The following ZAN variants were observed in gnomAD, a reference collection of about 807,000 sequenced individuals.
The protein encoded by ZAN is zonadhesin (gene/pseudogene).
ZAN carries 260 observed loss-of-function variants against 286.2 expected under a neutral mutation model. The ratio of observed to expected loss-of-function variants is 0.91; its 90% confidence interval spans 0.82 to 1.01. The LOEUF is 1.01. Ranked by LOEUF, ZAN falls within the 50% of genes least tolerant of loss-of-function variation. ZAN has a pLI of 0.00. For synonymous variants in ZAN, 1,368 were observed against 1,417.5 expected, an observed-to-expected ratio of 0.97 and a Z score of 0.79; for missense variants, 3,410 against 3,639.2, an observed-to-expected ratio of 0.94 and a Z score of 1.62.
intron 7 of ZAN, among the ~76,000 whole-genome samples, chr7:100,746,003 C>A (rs1808191654): frequency 6.6e-6 from 1 of 150,412 alleles, no homozygotes; most frequent in South Asian, 2.1e-4. Flanking sequence ...GTGCGTGGAT[C>A]ATTTGAACCT....
chr7:100,768,551 C>T, intron 26 of ZAN, 59 bp from the exon 27 acceptor site: 1 of 1,435,522 alleles, frequency 7.0e-7, no homozygotes, highest in Non-Finnish European at 9.4e-7. Context: ...GATGGTGGCC[C>T]TGGGGCCTGG....
At chr7:100,758,692 G>A (rs1562931268) in intron 17 of ZAN, 42 bp downstream of exon 17, 5 of 1,544,640 alleles carry the variant, frequency 3.2e-6, no homozygotes, top group Non-Finnish European at 4.4e-6. Flanking sequence ...GGGAGGGTCT[G>A]TGGGCAGCGC....
At chr7:100,759,969 C>T (rs1390867445) in intron 18 of ZAN, 124 bp downstream of exon 18, 4 of 1,395,200 alleles carry the variant, frequency 2.9e-6, no homozygotes, top group Non-Finnish European at 3.8e-6. Flanking sequence ...ATCCCAGCTC[C>T]TTGGGAGGCT....
rs1167764612 is a variant in ZAN, at chr7:100,749,647, A to AT, written c.1250-978_1250-977insT. Reference sequence around the variant, plus strand: ...AGAGTGAGACTCCGTCTCAAAAAAAAAAAAATATATATATATATATATATA... The same window carrying AT: ...AGAGTGAGACTCCGTCTCAAAAAAAATAAAAATATATATATATATATATATA... On this transcript the variant is annotated intron_variant, in intron 11 of 47. Transcript: ENST00000613979. Among the ~76,000 whole-genome samples the AT allele has an allele frequency of 1.2e-4, 15 of 124,722 alleles. No homozygotes were observed. In the East Asian group the frequency reaches 1.6e-3, roughly 13 times the overall value. The allele number at this position is 124,722 out of a possible 152,430, so 81.8% of individuals were successfully genotyped here.
intron 4 of ZAN, 63 bp downstream of exon 4, chr7:100,736,692 A>G: frequency 6.7e-7 from 1 of 1,497,140 alleles, no homozygotes; most frequent in Non-Finnish European, 9.1e-7. Context: ...GGGAGTGGCT[A>G]GATGGAGAGA....
chr7:100,776,873 C>T (rs1341126945), intron 34 of ZAN, among the ~76,000 whole-genome samples: 1 of 147,390 alleles, frequency 6.8e-6, no homozygotes, highest in African/African-American at 2.5e-5. Context: ...GCTGGGACTA[C>T]AGGCGCCCGC....
rs73411178 is a variant in ZAN at position 100,792,543 on chromosome 7, C to T, written c.7787+64C>T. The T allele has an allele frequency of 1.1e-3, 1,824 of 1,603,928 alleles. 11 individuals are homozygous for T. The African/African-American group carries it at 0.016, about 14-fold the overall frequency. ...CTGGCTGGCGGGACCGCACCCTCTG[C>T]GGTGAGGTGTTGCCCCTCCCTGTGC... On this transcript the variant is annotated intron_variant, in intron 42 of 47. Transcript: ENST00000613979.
At chr7:100,750,010 C>CCCAAT (rs1808533480) in intron 11 of ZAN, among the ~76,000 whole-genome samples, 1 of 146,530 alleles carries the variant, frequency 6.8e-6, no homozygotes, top group Admixed American at 6.8e-5. Flanking sequence ...GAGATCGTGT[C>CCCAAT]ACTGCACTCC....
intron 39 of ZAN, among the ~76,000 whole-genome samples, chr7:100,789,945 C>CA (rs999768930): frequency 1.9e-4 from 28 of 151,132 alleles, no homozygotes; most frequent in African/African-American, 3.4e-4. Flanking sequence ...AACTCCATCT[C>CA]AAAAAAAATT....
At chr7:100,756,407 C>T (rs191843869) in intron 15 of ZAN, among the ~76,000 whole-genome samples, 5 of 149,560 alleles carry the variant, frequency 3.3e-5, no homozygotes, top group Admixed American at 6.7e-5. Flanking sequence ...CCAGCCTGGG[C>T]GACAGAGTGA....
rs1810033427 is a variant in ZAN, at chr7:100,767,108, C to A, written c.4711C>A (p.Pro1571Thr). The A allele has an allele frequency of 1.9e-6, 3 of 1,613,836 alleles. No homozygotes were observed. Among genetic ancestry groups the A allele is most frequent in the East Asian group, 2.2e-5 (1 of 44,894 alleles). Residue 1571 changes from proline to threonine, a missense_variant, in exon 25 of 48, where the codon CCT (proline) becomes ACT (threonine). Coordinates refer to ENST00000613979, the MANE Select transcript of ZAN (RefSeq NM_003386.3). Reference sequence around the variant, plus strand: ...CACCTGCACCTATGTCCTGACCCGGCCTTGCTGGTCCAGGTCCCAAGACAG... The same window carrying A: ...CACCTGCACCTATGTCCTGACCCGGACTTGCTGGTCCAGGTCCCAAGACAG... ...MGTCTYVLTR[P>T]CWSRSQDSYF...
At position 100,734,069 on chromosome 7, in the gene ZAN, GA is replaced by G; in HGVS notation, c.-98del. Reference sequence around the variant, plus strand: ...CTGTTCATTCTTCATGGCATCCTTGGAAGGATGCCAAGCTAAGGAGGCCAGG... The same window carrying G: ...CTGTTCATTCTTCATGGCATCCTTGGAGGATGCCAAGCTAAGGAGGCCAGG... On this transcript the variant is annotated 5_prime_UTR_variant, in exon 2 of 48. It removes the in-frame stop codon of an upstream open reading frame in the 5' UTR. Coordinates refer to ENST00000613979, the MANE Select transcript of ZAN (RefSeq NM_003386.3). 1 of 733,246 alleles carries G rather than the reference GA, an allele frequency of 1.4e-6. No individual in the cohort carries two copies. Among genetic ancestry groups the G allele is most frequent in the Non-Finnish European group, 2.3e-6 (1 of 435,224 alleles). 45.4% of individuals were successfully genotyped at this position (733,246 alleles called of 1,614,324 possible).
rs1221009736 is a variant in ZAN, at chr7:100,735,926, C to T, written c.106+154C>T. On this transcript the variant is annotated intron_variant, in intron 3 of 47. Transcript: ENST00000613979. ...GACTACAAAATGTGTCCTGCCAGGC[C>T]AAGTCCAGCCCTCCAACCTCAGTTC... is the stretch of plus-strand genomic sequence containing the variant. Among the ~76,000 whole-genome samples, 2 of 141,344 alleles carry T rather than the reference C, an allele frequency of 1.4e-5. 1 individual carries two copies. The highest frequency in any genetic ancestry group is 3.2e-5 in the Non-Finnish European group (2 of 62,998). 92.7% of individuals were successfully genotyped at this position (141,344 alleles called of 152,430 possible).
At position 100,750,880 on chromosome 7, in the gene ZAN, A is replaced by C; in HGVS notation, c.1505A>C (p.His502Pro). 6.4e-7 allele frequency: 1 copy of C among 1,553,252 alleles called. No homozygotes were observed. The highest frequency in any genetic ancestry group is 8.7e-7 in the Non-Finnish European group (1 of 1,147,678). The change falls in exon 12 of 48, where the codon CAC becomes CCC. Residue 502 changes from histidine (H) to proline (P), a missense_variant. His to Pro is a moderately conservative substitution (Grantham distance 77, BLOSUM62 -2). Transcript: ENST00000613979. Reference protein sequence around the residue: ...QNTSVTVPSGHQQPMQLIFKG... With the variant: ...QNTSVTVPSGPQQPMQLIFKG... The stretch of plus-strand genomic sequence containing the variant: ...ACCTCCGTCACCGTCCCCTCAGGAC[A>C]CCAACAGCCCATGCAGGTGAGAGAC...
In ZAN at chr7:100,792,167, A is replaced by C. The variant is rs555718523; in HGVS notation, c.7712+19A>C. On this transcript the variant is annotated intron_variant, in intron 41 of 47. Coordinates refer to ENST00000613979, the MANE Select transcript of ZAN (RefSeq NM_003386.3). ...TCCAAGAGTGAGTCATGGGCCCAGG[A>C]CTTGTGGGAATGGCCCAGGTGCCTG... 3.0e-4 allele frequency: 480 copies of C among 1,584,010 alleles called. 6 individuals carry two copies. In the East Asian group the frequency reaches 0.011, roughly 35 times the overall value.
chr7:100,766,509 C>T lies in ZAN; in HGVS notation c.4471-16C>T. On this transcript the variant is annotated splice_polypyrimidine_tract_variant and intron_variant, in intron 23 of 47. Transcript: ENST00000613979. The stretch of plus-strand genomic sequence containing the variant: ...AAAAAAAACACTTTCTCTTCCTTCC[C>T]TGCTGTCTTCCCCAGGTAGGGGAGC... 1 of 1,545,778 alleles carries T rather than the reference C, an allele frequency of 6.5e-7. No homozygotes were observed. The highest frequency in any genetic ancestry group is 8.7e-7 in the Non-Finnish European group (1 of 1,143,188).
At chr7:100,774,359 C>T (rs562011022) in intron 31 of ZAN, among the ~76,000 whole-genome samples, 8 of 151,804 alleles carry the variant, frequency 5.3e-5, no homozygotes, top group South Asian at 2.1e-4. Context: ...GACAAAACTC[C>T]GTCTCTAAAT....
In ZAN at chr7:100,775,788, G is replaced by A; in HGVS notation, c.6147G>A (p.Gly2049=). 1 of 1,613,862 alleles carries A rather than the reference G, an allele frequency of 6.2e-7. No individual in the cohort carries two copies. Among genetic ancestry groups the A allele is most frequent in the Middle Eastern group, 1.6e-4 (1 of 6,062 alleles). The change falls in exon 33 of 48, where the codon GGG becomes GGA. Residue 2049 remains glycine, a synonymous_variant. Coordinates refer to ENST00000613979, the MANE Select transcript of ZAN (RefSeq NM_003386.3). ...TCGGGGTGCAAGTCAAGTTTGACGG[G>A]AATCATCTCTTAGAGATTGAAATCC... ...IKIGVQVKFD[G]NHLLEIEIPT...
rs369943207 is a variant in ZAN, at chr7:100,795,277, T to C, written c.8207T>C (p.Val2736Ala). 62 of 1,611,426 alleles carry C rather than the reference T, an allele frequency of 3.8e-5. No individual in the cohort carries two copies. Among genetic ancestry groups the C allele is most frequent in the Non-Finnish European group, 5.1e-5 (60 of 1,178,898 alleles). Residue 2736 changes from valine to alanine, a missense_variant, in exon 45 of 48, where the codon GTT becomes GCT. By Grantham distance (64) the Val-to-Ala change is moderately conservative. Around this residue, in one of 7 missense-constraint regions of ZAN, gnomAD observed 1,289 missense variants for 1,314.3 expected, o/e 0.98. Coordinates refer to ENST00000613979, the MANE Select transcript of ZAN (RefSeq NM_003386.3). ...QGATFTCECEVGYGGGLCMEP... is the reference protein window; with the variant it reads ...QGATFTCECEAGYGGGLCMEP... ...GCCACCTTCACCTGCGAGTGTGAAG[T>C]TGGTTACGGGGGAGGCCTGTGTATG... is the stretch of plus-strand genomic sequence containing the variant.
Sources: gnomAD v4.1 joint callset for allele counts (sites outside exome capture counted in the v4.1 genomes callset) on GRCh38, gnomAD v4.1.1 for gene constraint, gnomAD v4.1.1 regional missense constraint, MANE v1.5 for transcripts, NCBI Gene and HGNC (gene_info 2026-07-23, HGNC 2026-07-21) for gene names.